BRCA1: variants seen among roughly 807,000 people sequenced by gnomAD.
BRCA1 encodes breast cancer type 1 susceptibility protein.
Under a neutral mutation model 173.7 loss-of-function variants are expected in BRCA1, and 140 were observed. The observed-to-expected ratio is 0.81, with a 90% CI of 0.70 to 0.93. BRCA1 has a LOEUF of 0.93. BRCA1 is among the 40% of genes least tolerant of loss of function. The pLI is 0.00. For missense variants in BRCA1, 1,983 were observed against 2,172.5 expected (o/e 0.91, Z 1.73); for synonymous variants, 662 against 756.0 (o/e 0.88, Z 2.04).
chr17:43,110,920 G>A (rs1047383820), intron 3 of BRCA1, among the ~76,000 whole-genome samples: 2 of 151,908 alleles, frequency 1.3e-5, no homozygotes, highest in Admixed American at 1.3e-4. Context: ...TGTCAACATG[G>A]TGAAACCCTG....
upstream of BRCA1, among the ~76,000 whole-genome samples, chr17:43,127,675 C>T (rs1225673058): frequency 3.3e-5 from 5 of 152,118 alleles, no homozygotes; most frequent in East Asian, 9.6e-4. Flanking sequence ...CCAATTAGCT[C>T]TCTGTAAAAT....
chr17:43,155,318 C>T (rs887783796), intron 1 of BRCA1, among the ~76,000 whole-genome samples: 5 of 151,798 alleles, frequency 3.3e-5, no homozygotes, highest in African/African-American at 9.7e-5. Flanking sequence ...TAAAGGCATG[C>T]ACCACCATGC....
intron 18 of BRCA1, among the ~76,000 whole-genome samples, chr17:43,060,327 C>T (rs944150021): frequency 5.9e-4 from 90 of 152,166 alleles, no homozygotes; most frequent in African/African-American, 2.1e-3. Context: ...CAGGAATGAG[C>T]CACCACACCC....
At chr17:43,120,651 G>A (rs1477534871) in intron 2 of BRCA1, among the ~76,000 whole-genome samples, 2 of 152,172 alleles carry the variant, frequency 1.3e-5, no homozygotes, top group Admixed American at 6.5e-5. Context: ...TGTAGTCCCA[G>A]CTACTTGGGG....
intron 14 of BRCA1, among the ~76,000 whole-genome samples, chr17:43,071,918 G>A (rs1382641381): frequency 6.6e-6 from 1 of 151,854 alleles, no homozygotes; most frequent in Non-Finnish European, 1.5e-5. Flanking sequence ...TGAGGCAGGG[G>A]AATGGCGTGT....
intron 19 of BRCA1, among the ~76,000 whole-genome samples, chr17:43,052,876 G>GT (rs1487933218): frequency 2.1e-5 from 3 of 142,908 alleles, no homozygotes; most frequent in African/African-American, 5.8e-5. Flanking sequence ...ACAAGTCTGT[G>GT]TGTTTTTTTT....
At chr17:43,058,301 G>A (rs1053688158) in intron 18 of BRCA1, among the ~76,000 whole-genome samples, 1 of 151,888 alleles carries the variant, frequency 6.6e-6, no homozygotes, top group Non-Finnish European at 1.5e-5. Flanking sequence ...TTGAGCCCAG[G>A]AGTTGGAGGC....
At chr17:43,079,500 G>A (rs895897173) in intron 12 of BRCA1, 15 of 1,186,924 alleles carry the variant, frequency 1.3e-5, no homozygotes, top group Middle Eastern at 3.9e-4. Context: ...AGTCTACAAC[G>A]TGACCCAGCA....
At chr17:43,063,823 T>C (rs759143469) in intron 17 of BRCA1, 51 bp downstream of exon 17, 4 of 1,486,526 alleles carry the variant, frequency 2.7e-6, no homozygotes, top group African/African-American at 2.8e-5. Flanking sequence ...GGTGTAAAAA[T>C]GCAATTCTGA....
chr17:43,137,001 A>G (rs566961602), intron 1 of BRCA1, among the ~76,000 whole-genome samples: 1 of 152,270 alleles, frequency 6.6e-6, no homozygotes, highest in Non-Finnish European at 1.5e-5. Context: ...TTGCGGCACT[A>G]TTCACAATAG....
chr17:43,082,352 G>A, intron 12 of BRCA1, 52 bp downstream of exon 12: 3 of 1,574,566 alleles, frequency 1.9e-6, no homozygotes, highest in South Asian at 2.2e-5. Context: ...GGAGATAAAG[G>A]GGAAGGAAAG....
At chr17:43,120,940 T>A (rs1311898155) in intron 2 of BRCA1, among the ~76,000 whole-genome samples, 1 of 151,380 alleles carries the variant, frequency 6.6e-6, no homozygotes, top group African/African-American at 2.4e-5. Context: ...GGCGTGCGCC[T>A]ATAATCCCAG....
chr17:43,114,021 G>GC lies in BRCA1; in HGVS notation c.134+1704dup, dbSNP rs113808892. Among the ~76,000 whole-genome samples the GC allele has an allele frequency of 4.7e-3, 700 of 150,442 alleles. 10 individuals are homozygous for GC. Among genetic ancestry groups the GC allele is most frequent in the African/African-American group, 0.016 (647 of 40,734 alleles). The stretch of plus-strand genomic sequence containing the variant: ...ACCCAGGAGGTGGAGGTTGCAGTGA[G>GC]CCGAGATCACACCACTGCACTCCAG... On this transcript the variant is annotated intron_variant, in intron 3 of 22. Coordinates refer to ENST00000357654, the MANE Select transcript of BRCA1 (RefSeq NM_007294.4).
intron 10 of BRCA1, 171 bp from the exon 11 acceptor site, chr17:43,091,203 G>GT: frequency 1.2e-6 from 1 of 865,686 alleles, no homozygotes. Flanking sequence ...GAAACCAGAA[G>GT]TAAGTCCACC....
At chr17:43,170,005 C>A in intron 1 of BRCA1, 1 of 462,600 alleles carries the variant, frequency 2.2e-6, no homozygotes. Context: ...ATCTTATCCT[C>A]CGTAAAGGTC....
chr17:43,138,576 G>A (rs2056047118), intron 1 of BRCA1: 2 of 710,696 alleles, frequency 2.8e-6, no homozygotes, highest in Non-Finnish European at 5.2e-6. Flanking sequence ...TATAAGTAGG[G>A]CTCCCCACCA....
In BRCA1 at chr17:43,104,831, G is replaced by A. The variant is rs768740518; in HGVS notation, c.301+37C>T. On this transcript the variant is annotated intron_variant, in intron 5 of 22. Transcript: ENST00000357654. ...CAAACTTCCTGAGTTTTCATGGACA[G>A]CACTTGAGTGTCATTCTTGGGATAT... 14 of 1,551,996 alleles carry A rather than the reference G, an allele frequency of 9.0e-6. No individual in the cohort carries two copies. In the South Asian group the frequency reaches 1.6e-4, roughly 17 times the overall value.
intron 1 of BRCA1, among the ~76,000 whole-genome samples, chr17:43,136,685 T>C (rs2056027235): frequency 6.6e-6 from 1 of 152,088 alleles, no homozygotes. Flanking sequence ...CATGGAAAAA[T>C]GCTCATCATC....
At chr17:43,072,286 G>C (rs2052484345) in intron 14 of BRCA1, among the ~76,000 whole-genome samples, 1 of 151,902 alleles carries the variant, frequency 6.6e-6, no homozygotes, top group South Asian at 2.1e-4. Context: ...CTACTGGGGA[G>C]GCTGAAGCAG....
Sources: allele counts gnomAD v4.1 joint callset (sites outside exome capture counted in the v4.1 genomes callset), GRCh38; gene constraint gnomAD v4.1.1; transcripts MANE v1.5; gene names NCBI Gene and HGNC (gene_info 2026-07-23, HGNC 2026-07-21).